Variants in ELAPOR1 observed in about 807,000 individuals in gnomAD.
The protein encoded by ELAPOR1 is endosome-lysosome associated apoptosis and autophagy regulator 1.
A neutral mutation model predicts 119.7 loss-of-function variants in ELAPOR1; 77 were observed. The observed-to-expected ratio is 0.64, with a 90% CI of 0.54 to 0.78. The LOEUF is 0.78. Ranked by LOEUF, ELAPOR1 falls within the 30% of genes least tolerant of loss-of-function variation. ELAPOR1 has a pLI of 0.00. For missense variants in ELAPOR1, 1,115 were observed against 1,270.4 expected, an observed-to-expected ratio of 0.88 and a Z score of 1.86; for synonymous variants, 481 against 487.2, an observed-to-expected ratio of 0.99 and a Z score of 0.17.
intron 1 of ELAPOR1, among the ~76,000 whole-genome samples, chr1:109,137,926 T>C (rs747298634): frequency 2.6e-5 from 4 of 152,374 alleles, no homozygotes; most frequent in South Asian, 2.1e-4. Context: ...TCACAAAGTA[T>C]ACAAACTTTT....
Position 109,171,871 on chromosome 1 carries a change from A to T in ELAPOR1, c.473A>T (p.Lys158Met), listed in dbSNP as rs749318001. 9.3e-6 allele frequency: 15 copies of T among 1,614,072 alleles called. No individual in the cohort carries two copies. The East Asian group carries it at 3.1e-4, about 34-fold the overall frequency. Residue 158 changes from lysine to methionine, a missense_variant, in exon 4 of 22, where the codon AAG becomes ATG. Transcript: ENST00000369939. ...TGGTTCCTGTTCCTTCACAGGTCCA[A>T]GTGGGTTCCCCGGGGCGACTACATC... Reference protein sequence around the residue: ...AESTGNCTSSKWVPRGDYIAS... With the variant: ...AESTGNCTSSMWVPRGDYIAS...
intron 5 of ELAPOR1, among the ~76,000 whole-genome samples, chr1:109,173,093 G>A (rs1208982537): frequency 1.0e-5 from 1 of 98,356 alleles, no homozygotes; most frequent in Admixed American, 1.3e-4. Flanking sequence ...GCGAAACTCT[G>A]TCTCAAAAAA....
At chr1:109,118,929 G>A (rs984967728) in intron 1 of ELAPOR1, among the ~76,000 whole-genome samples, 3 of 140,790 alleles carry the variant, frequency 2.1e-5, no homozygotes, top group Admixed American at 7.2e-5. Context: ...ACGGAGTCTC[G>A]CTCTGATGCC....
intron 1 of ELAPOR1, among the ~76,000 whole-genome samples, chr1:109,117,085 G>A (rs1362553579): frequency 6.6e-6 from 1 of 152,162 alleles, no homozygotes; most frequent in East Asian, 1.9e-4. Context: ...TGACCCTAAT[G>A]ACAATAATAT....
intron 1 of ELAPOR1, among the ~76,000 whole-genome samples, chr1:109,128,575 C>G (rs1244641897): frequency 1.3e-5 from 2 of 152,174 alleles, no homozygotes; most frequent in East Asian, 3.8e-4. Context: ...TTGCCAGCCC[C>G]CTACAATACC....
At chr1:109,120,819 G>A (rs1648359488) in intron 1 of ELAPOR1, among the ~76,000 whole-genome samples, 1 of 151,982 alleles carries the variant, frequency 6.6e-6, no homozygotes, top group Non-Finnish European at 1.5e-5. Flanking sequence ...CTTCTATTTT[G>A]GAAACTGGAC....
chr1:109,134,697 C>T (rs1241842464), intron 1 of ELAPOR1, among the ~76,000 whole-genome samples: 1 of 152,028 alleles, frequency 6.6e-6, no homozygotes, highest in Non-Finnish European at 1.5e-5. Flanking sequence ...GAGCTGGTTT[C>T]ACCTTCGTCA....
At chr1:109,197,227 T>C (rs900569110) in intron 15 of ELAPOR1, among the ~76,000 whole-genome samples, 1 of 151,926 alleles carries the variant, frequency 6.6e-6, no homozygotes, top group African/African-American at 2.4e-5. Flanking sequence ...TTCAAGGCTT[T>C]AGTGAGCTAT....
Position 109,161,927 on chromosome 1 carries a change from A to G in ELAPOR1, c.187A>G (p.Ser63Gly). Residue 63 changes from serine to glycine, a missense_variant, in exon 2 of 22, where the codon AGC becomes GGC. Ser to Gly is a moderately conservative substitution (Grantham distance 56). Coordinates refer to ENST00000369939, the MANE Select transcript of ELAPOR1 (RefSeq NM_020775.5). ...EYHYEYTACD[S>G]TGSRWRVAVP... is the part of the protein sequence containing the mutation. ...CCACTATGAGTACACGGCGTGTGACAGCACGGGTTCCAGGTGGAGGGTCGC... is the reference window on the plus strand; with the variant it reads ...CCACTATGAGTACACGGCGTGTGACGGCACGGGTTCCAGGTGGAGGGTCGC... 3 of 1,614,010 alleles carry G rather than the reference A, an allele frequency of 1.9e-6. No homozygotes were observed. The highest frequency in any genetic ancestry group is 1.7e-6 in the Non-Finnish European group (2 of 1,179,872).
In ELAPOR1 at chr1:109,202,995, C is replaced by T; in HGVS notation, c.3025C>T (p.Leu1009=). The part of the protein sequence containing the change: ...SVPLKTSSGG[L]DMDL ...GCCGCTGAAGACATCCTCAGGAGGCCTAGACATGGACCTGTGAGAGGCACT... is the reference window on the plus strand; with the variant it reads ...GCCGCTGAAGACATCCTCAGGAGGCTTAGACATGGACCTGTGAGAGGCACT... The change falls in exon 22 of 22, where the codon CTA becomes TTA. Residue 1009 remains leucine, a synonymous_variant. Coordinates refer to ENST00000369939, the MANE Select transcript of ELAPOR1 (RefSeq NM_020775.5). The T allele has an allele frequency of 6.2e-7, 1 of 1,613,036 alleles. No individual in the cohort carries two copies. Among genetic ancestry groups the T allele is most frequent in the South Asian group, 1.1e-5 (1 of 90,906 alleles).
Position 109,200,739 on chromosome 1 carries a change from G to C in ELAPOR1, c.2812G>C (p.Glu938Gln). 6.2e-7 allele frequency: 1 copy of C among 1,613,464 alleles called. No homozygotes were observed. Among genetic ancestry groups the C allele is most frequent in the Non-Finnish European group, 8.5e-7 (1 of 1,179,736 alleles). Residue 938 changes from glutamate (E) to glutamine (Q), a missense_variant, in exon 21 of 22, where the codon GAG becomes CAG. Transcript: ENST00000369939. ...TCCCATCCTCCTGTTTTATAGACTAGAGTACAAGTACTCCAAGCTGGTGAT... is the reference window on the plus strand; with the variant it reads ...TCCCATCCTCCTGTTTTATAGACTACAGTACAAGTACTCCAAGCTGGTGAT... ...CYFWKKNQKL[E>Q]YKYSKLVMNA... is the part of the protein sequence containing the mutation.
intron 1 of ELAPOR1, among the ~76,000 whole-genome samples, chr1:109,160,670 G>C (rs1359352678): frequency 6.6e-6 from 1 of 152,158 alleles, no homozygotes; most frequent in Non-Finnish European, 1.5e-5. Flanking sequence ...CTATCACGTG[G>C]GTTAAAGGGG....
At chr1:109,198,761 A>T in intron 18 of ELAPOR1, 87 bp downstream of exon 18, 1 of 1,215,676 alleles carries the variant, frequency 8.2e-7, no homozygotes, top group Non-Finnish European at 1.2e-6. Context: ...GAAAAAGAGC[A>T]AAAAAGAAAA....
At chr1:109,183,368 G>A (rs979027387) in intron 7 of ELAPOR1, among the ~76,000 whole-genome samples, 2 of 133,714 alleles carry the variant, frequency 1.5e-5, no homozygotes, top group African/African-American at 5.5e-5. Context: ...GAGAGAGAGA[G>A]AGAAAAGAAA....
intron 1 of ELAPOR1, among the ~76,000 whole-genome samples, chr1:109,137,683 C>T (rs1290787154): frequency 1.3e-5 from 2 of 151,728 alleles, no homozygotes; most frequent in Non-Finnish European, 2.9e-5. Context: ...CATGCGCCAC[C>T]ACCCCCGGCT....
chr1:109,165,620 C>A (rs1017896409), intron 3 of ELAPOR1, among the ~76,000 whole-genome samples: 2 of 151,120 alleles, frequency 1.3e-5, no homozygotes, highest in Admixed American at 1.3e-4. Context: ...AAACAAAAAC[C>A]AAAAAAACCA....
At chr1:109,131,989 G>T (rs932195366) in intron 1 of ELAPOR1, among the ~76,000 whole-genome samples, 2 of 152,222 alleles carry the variant, frequency 1.3e-5, no homozygotes, top group Non-Finnish European at 2.9e-5. Context: ...AGAAAGATTA[G>T]ACTTGATTAT....
At chr1:109,159,591 G>T (rs1651118980) in intron 1 of ELAPOR1, among the ~76,000 whole-genome samples, 1 of 152,216 alleles carries the variant, frequency 6.6e-6, no homozygotes, top group Non-Finnish European at 1.5e-5. Context: ...TTGGCCCTGT[G>T]TGAGTCTGTG....
At chr1:109,121,360 T>C (rs987716727) in intron 1 of ELAPOR1, among the ~76,000 whole-genome samples, 4 of 152,224 alleles carry the variant, frequency 2.6e-5, no homozygotes, top group Admixed American at 6.5e-5. Context: ...TTGGCTACAC[T>C]GGTCTCGAAC....
Sources: gnomAD v4.1 joint callset for allele counts (sites outside exome capture counted in the v4.1 genomes callset) on GRCh38, gnomAD v4.1.1 for gene constraint, MANE v1.5 for transcripts, NCBI Gene and HGNC (gene_info 2026-07-23, HGNC 2026-07-21) for gene names.